The following ZFPM2 variants were observed in gnomAD, a reference collection of about 807,000 sequenced individuals.
The protein encoded by ZFPM2 is zinc finger protein, FOG family member 2.
A neutral mutation model predicts 98.6 loss-of-function variants in ZFPM2; 20 were observed. The ratio of observed to expected loss-of-function variants is 0.20; its 90% confidence interval spans 0.14 to 0.29. The LOEUF is 0.29. Ranked by LOEUF, ZFPM2 falls within the 10% of genes least tolerant of loss-of-function variation. ZFPM2 has a pLI of 1.00. For synonymous variants in ZFPM2, 518 were observed against 502.7 expected, an observed-to-expected ratio of 1.03 and a Z score of -0.41; for missense variants, 1,310 against 1,388.6, an observed-to-expected ratio of 0.94 and a Z score of 0.90.
At chr8:105,369,275 T>C (rs1476746223) in intron 1 of ZFPM2, among the ~76,000 whole-genome samples, 4 of 152,180 alleles carry the variant, frequency 2.6e-5, no homozygotes, top group East Asian at 1.9e-4. Flanking sequence ...ACGTGAATTA[T>C]ATAAATATGT....
At chr8:105,324,039 TA>T (rs1812073896) in intron 1 of ZFPM2, among the ~76,000 whole-genome samples, 1 of 151,808 alleles carries the variant, frequency 6.6e-6, no homozygotes, top group African/African-American at 2.4e-5. Flanking sequence ...TTAAGAATAG[TA>T]AAATTGCATC....
At chr8:105,408,004 C>G (rs529273425) in intron 1 of ZFPM2, among the ~76,000 whole-genome samples, 81 of 151,908 alleles carry the variant, frequency 5.3e-4, no homozygotes, top group African/African-American at 1.9e-3. Context: ...GAGCTCTCCA[C>G]CTTTTGGCTT....
intron 2 of ZFPM2, among the ~76,000 whole-genome samples, chr8:105,431,183 CAGGCATGAGCCA>C (rs1410602147): frequency 2.6e-5 from 4 of 152,080 alleles, no homozygotes; most frequent in Non-Finnish European, 5.9e-5. Context: ...GCTGGGGTTA[CAGGCATGAGCCA>C]CCACACCTGG....
chr8:105,711,684 C>G lies in ZFPM2; in HGVS notation c.533-77034C>G, dbSNP rs535431706. On this transcript the variant is annotated intron_variant, in intron 5 of 7. Transcript: ENST00000407775. ...TTTTTACCCCCAGAAGTGTGTCTTTCATTCTTCCTTGTTTCTGAATATCTC... is the reference window on the plus strand; with the variant it reads ...TTTTTACCCCCAGAAGTGTGTCTTTGATTCTTCCTTGTTTCTGAATATCTC... Among the ~76,000 whole-genome samples the G allele has an allele frequency of 5.9e-5, 9 of 152,136 alleles. No individual in the cohort carries two copies. In the East Asian group the frequency reaches 1.7e-3, roughly 29 times the overall value.
intron 3 of ZFPM2, among the ~76,000 whole-genome samples, chr8:105,514,307 CTTTTTTTTTT>C (rs56955237): frequency 4.2e-4 from 53 of 127,566 alleles, no homozygotes; most frequent in African/African-American, 1.4e-3. Context: ...CTGGTCGTGT[CTTTTTTTTTT>C]TTTTTTTTTT....
intron 1 of ZFPM2, 105 bp from the exon 2 acceptor site, chr8:105,419,039 T>C (rs2130079086): frequency 1.0e-6 from 1 of 985,188 alleles, no homozygotes; most frequent in East Asian, 2.6e-5. Flanking sequence ...ACTTAGAGTA[T>C]ATTATTTTTC....
At chr8:105,564,806 TC>T (rs200847000) in intron 4 of ZFPM2, among the ~76,000 whole-genome samples, 2,304 of 152,154 alleles carry the variant, frequency 0.015, 54 homozygotes, top group African/African-American at 0.05. Flanking sequence ...TACCTTTTTT[TC>T]CCCGATGGGC....
intron 5 of ZFPM2, among the ~76,000 whole-genome samples, chr8:105,638,010 A>G (rs1283847656): frequency 6.6e-6 from 1 of 151,898 alleles, no homozygotes; most frequent in African/African-American, 2.4e-5. Flanking sequence ...TATAACTGAG[A>G]GTCCAGGGAT....
At chr8:105,638,841 G>A (rs557381033) in intron 5 of ZFPM2, among the ~76,000 whole-genome samples, 1 of 152,028 alleles carries the variant, frequency 6.6e-6, no homozygotes, top group South Asian at 2.1e-4. Flanking sequence ...AGTGCTTTTT[G>A]ACAGGTTGCC....
chr8:105,362,104 C>T (rs772776335), intron 1 of ZFPM2, among the ~76,000 whole-genome samples: 5 of 151,896 alleles, frequency 3.3e-5, no homozygotes, highest in African/African-American at 4.8e-5. Context: ...TTAAATCCTA[C>T]GGTATATTAT....
intron 5 of ZFPM2, among the ~76,000 whole-genome samples, chr8:105,708,641 G>A (rs1486941813): frequency 4.0e-5 from 6 of 151,860 alleles, no homozygotes; most frequent in Admixed American, 1.3e-4. Flanking sequence ...ATGAGGTTTC[G>A]CCATGTTGCC....
At chr8:105,544,374 GAT>G (rs1814646948) in intron 3 of ZFPM2, among the ~76,000 whole-genome samples, 1 of 152,108 alleles carries the variant, frequency 6.6e-6, no homozygotes, top group African/African-American at 2.4e-5. Context: ...CTCCCCTAAT[GAT>G]GTTGGCTTTT....
chr8:105,375,164 A>G (rs947059652), intron 1 of ZFPM2, among the ~76,000 whole-genome samples: 27 of 152,180 alleles, frequency 1.8e-4, no homozygotes, highest in African/African-American at 6.5e-4. Flanking sequence ...AAAAAAACAA[A>G]ACAAAAACAA....
At position 105,791,979 on chromosome 8, in the gene ZFPM2, C is replaced by T. The variant is rs189220704; in HGVS notation, c.739+3055C>T. On this transcript the variant is annotated intron_variant, in intron 6 of 7. Coordinates refer to ENST00000407775, the MANE Select transcript of ZFPM2 (RefSeq NM_012082.4). Reference sequence around the variant, plus strand: ...TATTGCGTCTATTTGATTCTTCTCTCTTTTTTTCTTTATTAGTCTTGCTAG... The same window carrying T: ...TATTGCGTCTATTTGATTCTTCTCTTTTTTTTTCTTTATTAGTCTTGCTAG... 4.5e-3 allele frequency among the ~76,000 whole-genome samples: 681 copies of T among 152,226 alleles called. 3 individuals carry two copies. Among genetic ancestry groups the T allele is most frequent in the Non-Finnish European group, 6.8e-3 (461 of 68,010 alleles).
At chr8:105,563,988 GT>G (rs1392104544) in intron 4 of ZFPM2, among the ~76,000 whole-genome samples, 1 of 151,998 alleles carries the variant, frequency 6.6e-6, no homozygotes, top group Non-Finnish European at 1.5e-5. Flanking sequence ...ATACAGAATG[GT>G]AGTTTTATGA....
chr8:105,634,377 C>T lies in ZFPM2; in HGVS notation c.532+20C>T. On this transcript the variant is annotated intron_variant, in intron 5 of 7. Coordinates refer to ENST00000407775, the MANE Select transcript of ZFPM2 (RefSeq NM_012082.4). ...GCAAAGGTAAATGCAAGATTGTTTC[C>T]CTCTCTCTTTGGAAGTATTAAAACC... 1 of 1,581,702 alleles carries T rather than the reference C, an allele frequency of 6.3e-7. No homozygotes were observed.
intron 6 of ZFPM2, chr8:105,795,849 A>ATGAG (rs1563569656): frequency 2.1e-6 from 1 of 468,454 alleles, no homozygotes; most frequent in Non-Finnish European, 4.3e-6. Flanking sequence ...ATGAAAACAC[A>ATGAG]TGAGTAGCAG....
chr8:105,801,882 C>T lies in ZFPM2; in HGVS notation c.1800C>T (p.Gly600=). The T allele has an allele frequency of 6.2e-7, 1 of 1,613,942 alleles. No homozygotes were observed. The highest frequency in any genetic ancestry group is 1.3e-5 in the African/African-American group (1 of 75,022). ...CTGAAGCTTTGAGTCCCAACACTGG[C>T]CAAACCTCCATAAACCTTCTCAACC... ...KMPEALSPNT[G]QTSINLLNPA... Residue 600 remains glycine (G), a synonymous_variant, in exon 8 of 8, where the codon GGC becomes GGT. Coordinates refer to ENST00000407775, the MANE Select transcript of ZFPM2 (RefSeq NM_012082.4).
At chr8:105,593,852 G>A (rs868740115) in intron 4 of ZFPM2, among the ~76,000 whole-genome samples, 2 of 151,938 alleles carry the variant, frequency 1.3e-5, no homozygotes, top group Non-Finnish European at 2.9e-5. Context: ...AAAGATGAGC[G>A]GCTGTCAGTC....
Sources: allele counts gnomAD v4.1 joint callset (sites outside exome capture counted in the v4.1 genomes callset), GRCh38; gene constraint gnomAD v4.1.1; transcripts MANE v1.5; gene names NCBI Gene and HGNC (gene_info 2026-07-23, HGNC 2026-07-21).